PPP2R2B: variants seen among roughly 807,000 people sequenced by gnomAD.
PPP2R2B encodes the protein protein phosphatase 2 regulatory subunit Bbeta.
PPP2R2B carries 5 observed loss-of-function variants against 46.0 expected under a neutral mutation model. The ratio of observed to expected loss-of-function variants is 0.11; its 90% CI spans 0.06 to 0.23. PPP2R2B has a LOEUF of 0.23. Among genes scored for constraint, PPP2R2B ranks in the 10% least tolerant of loss-of-function variants. The probability of loss-of-function intolerance (pLI) is 1.00; values close to 1 mark genes in which losing one functional copy is unlikely to be tolerated. For synonymous variants in PPP2R2B, 215 were observed against 206.7 expected (o/e 1.04, Z -0.34); for missense variants, 367 against 575.0 (o/e 0.64, Z 3.70).
chr5:146,707,461 C>A, intron 2 of PPP2R2B: 1 of 757,388 alleles, frequency 1.3e-6, no homozygotes. Flanking sequence ...ATAGGCCACC[C>A]CGGAAGCTGC....
In PPP2R2B at chr5:146,951,650, G is replaced by A. The variant is rs576909925; in HGVS notation, c.79+104015C>T. Among the ~76,000 whole-genome samples, 197 of 152,116 alleles carry A rather than the reference G, an allele frequency of 1.3e-3. 1 individual carries two copies. Among genetic ancestry groups the A allele is most frequent in the African/African-American group, 4.7e-3 (193 of 41,486 alleles). ...CCTGTGTTAGTTTGCTGAGGATAATGAGTCCAAGCTTCATCCATGTCCCTG... is the reference window on the plus strand; with the variant it reads ...CCTGTGTTAGTTTGCTGAGGATAATAAGTCCAAGCTTCATCCATGTCCCTG... On this transcript the variant is annotated intron_variant, in intron 1 of 8. Transcript: ENST00000336640.
intron 1 of PPP2R2B, among the ~76,000 whole-genome samples, chr5:146,938,485 T>C (rs2151827443): frequency 6.6e-6 from 1 of 152,324 alleles, no homozygotes; most frequent in South Asian, 2.1e-4. Flanking sequence ...GGGTTCAGTT[T>C]TTCTATGTAA....
intron 1 of PPP2R2B, among the ~76,000 whole-genome samples, chr5:146,907,745 C>T (rs1184807644): frequency 6.6e-6 from 1 of 152,216 alleles, no homozygotes; most frequent in Admixed American, 6.5e-5. Flanking sequence ...TTTTCTACTG[C>T]TTTGAAATCC....
rs1769931457 is a variant in PPP2R2B, at chr5:146,582,298, G to C, written c.*7649C>G. On this transcript the variant is annotated 3_prime_UTR_variant, in exon 10 of 10. Transcript: ENST00000394411. ...TGGGGAATATTTAGTGCTGCAGCCT[G>C]GGTGTGGGGGCAATATCTTGGATGT... The C allele has an allele frequency of 6.6e-6, 1 of 152,218 alleles. No individual in the cohort carries two copies. The highest frequency in any genetic ancestry group is 1.5e-5 in the Non-Finnish European group (1 of 68,050). 9.4% of individuals were successfully genotyped at this position (152,218 alleles called of 1,614,324 possible). A position where few individuals can be genotyped will look rare whatever the true frequency, so the allele number is the denominator to read the frequency against.
At position 146,581,623 on chromosome 5, in the gene PPP2R2B, A is replaced by G. The variant is rs1187771352; in HGVS notation, c.*8324T>C. On this transcript the variant is annotated 3_prime_UTR_variant, in exon 10 of 10. Coordinates refer to ENST00000394411, the MANE Select transcript of PPP2R2B (RefSeq NM_181675.4). Reference sequence around the variant, plus strand: ...AATGAGGGGTTTAAATAAATGCACCATTGACCACCTTCTGCCTTTTTCCTG... The same window carrying G: ...AATGAGGGGTTTAAATAAATGCACCGTTGACCACCTTCTGCCTTTTTCCTG... 2 of 152,214 alleles carry G rather than the reference A, an allele frequency of 1.3e-5. No homozygotes were observed. The highest frequency in any genetic ancestry group is 2.9e-5 in the Non-Finnish European group (2 of 68,048). 9.4% of individuals were successfully genotyped at this position (152,214 alleles called of 1,614,324 possible). A position where few individuals can be genotyped will look rare whatever the true frequency, so the allele number is the denominator to read the frequency against.
Position 146,761,759 on chromosome 5 carries a change from T to C in PPP2R2B, c.71-60617A>G, listed in dbSNP as rs73793260. Among the ~76,000 whole-genome samples the C allele has an allele frequency of 6.4e-3, 980 of 152,236 alleles. 14 individuals are homozygous for C. Among genetic ancestry groups the C allele is most frequent in the African/African-American group, 0.023 (938 of 41,522 alleles). On this transcript the variant is annotated intron_variant, in intron 2 of 9. Coordinates refer to ENST00000394411, the MANE Select transcript of PPP2R2B (RefSeq NM_181675.4). ...GTTTTCTGATCAATAAGATGGAAAA[T>C]AATAATTACAGTATGAGGAGATGTT...
chr5:146,691,589 G>T (rs2151153660), intron 4 of PPP2R2B, among the ~76,000 whole-genome samples: 1 of 152,242 alleles, frequency 6.6e-6, no homozygotes, highest in South Asian at 2.1e-4. Context: ...AATTTTACAT[G>T]AAAAATTGGT....
chr5:146,901,442 T>C (rs369243043), intron 1 of PPP2R2B, among the ~76,000 whole-genome samples: 1 of 152,194 alleles, frequency 6.6e-6, no homozygotes, highest in South Asian at 2.1e-4. Context: ...AAGGCTTCAG[T>C]GAGCTGTGTG....
At chr5:147,019,457 C>T (rs985993985) in intron 1 of PPP2R2B, among the ~76,000 whole-genome samples, 14 of 152,068 alleles carry the variant, frequency 9.2e-5, no homozygotes, top group African/African-American at 3.4e-4. Context: ...ATACAATATC[C>T]ACCACCAACA....
At chr5:146,783,975 G>A (rs1189067611) in intron 2 of PPP2R2B, among the ~76,000 whole-genome samples, 1 of 152,148 alleles carries the variant, frequency 6.6e-6, no homozygotes, top group Non-Finnish European at 1.5e-5. Flanking sequence ...TATGAGCTTA[G>A]CACGTAATTC....
At chr5:147,008,936 C>G (rs1054347334) in intron 1 of PPP2R2B, among the ~76,000 whole-genome samples, 1 of 152,166 alleles carries the variant, frequency 6.6e-6, no homozygotes, top group Non-Finnish European at 1.5e-5. Flanking sequence ...AAGTGATATT[C>G]ACATCGTCCT....
At chr5:147,080,286 G>T (rs989063002) in intron 2 of PPP2R2B, among the ~76,000 whole-genome samples, 7 of 152,110 alleles carry the variant, frequency 4.6e-5, no homozygotes, top group African/African-American at 1.7e-4. Flanking sequence ...TTAGACCTGT[G>T]TTATACCACA....
At chr5:147,034,790 T>A (rs888828879) in intron 1 of PPP2R2B, among the ~76,000 whole-genome samples, 3 of 152,188 alleles carry the variant, frequency 2.0e-5, no homozygotes, top group Non-Finnish European at 1.5e-5. Context: ...GATGTATGAG[T>A]TTTGGAATGT....
At chr5:146,623,019 A>G (rs148732983) in intron 7 of PPP2R2B, among the ~76,000 whole-genome samples, 82 of 152,256 alleles carry the variant, frequency 5.4e-4, no homozygotes, top group African/African-American at 1.9e-3. Context: ...CATCTCATTC[A>G]CTCATACATT....
At chr5:146,638,020 A>T (rs1430404868) in intron 7 of PPP2R2B, among the ~76,000 whole-genome samples, 1 of 150,944 alleles carries the variant, frequency 6.6e-6, no homozygotes, top group African/African-American at 2.5e-5. Flanking sequence ...TGTTATTTAA[A>T]CCCTTTTCTG....
chr5:146,650,771 T>C (rs1775899708), intron 5 of PPP2R2B, 47 bp from the exon 6 acceptor site: 2 of 1,562,436 alleles, frequency 1.3e-6, no homozygotes, highest in South Asian at 1.2e-5. Flanking sequence ...AGATCTTCCA[T>C]AGGAAAAGAG....
upstream of PPP2R2B, among the ~76,000 whole-genome samples, chr5:146,880,923 C>G (rs1450726129): frequency 6.6e-6 from 1 of 152,284 alleles, no homozygotes; most frequent in Non-Finnish European, 1.5e-5. Flanking sequence ...GCCAACTACT[C>G]TTTTCTAATA....
intron 1 of PPP2R2B, among the ~76,000 whole-genome samples, chr5:146,965,812 T>C (rs558682117): frequency 6.6e-6 from 1 of 152,350 alleles, no homozygotes; most frequent in South Asian, 2.1e-4. Context: ...GGTTAATAGC[T>C]AGGCTCTGAC....
chr5:146,698,526 A>G (rs1191749728), intron 3 of PPP2R2B, among the ~76,000 whole-genome samples: 1 of 151,760 alleles, frequency 6.6e-6, no homozygotes, highest in Non-Finnish European at 1.5e-5. Context: ...GAGTCATCCC[A>G]CAGTGGCATT....
Sources: allele counts gnomAD v4.1 joint callset (sites outside exome capture counted in the v4.1 genomes callset), GRCh38; gene constraint gnomAD v4.1.1; transcripts MANE v1.5; gene names NCBI Gene and HGNC (gene_info 2026-07-23, HGNC 2026-07-21).